Variants in MED29 observed in about 807,000 individuals in gnomAD.
MED29 encodes mediator complex subunit 29, also known as mediator of RNA polymerase II transcription subunit 29.
A neutral mutation model predicts 22.0 loss-of-function variants in MED29; 14 were observed. The observed-to-expected ratio is 0.64, with a 90% confidence interval of 0.42 to 0.99. MED29 has a LOEUF of 0.99. Among genes scored for constraint, MED29 ranks in the 50% least tolerant of loss-of-function variants. MED29 has a pLI of 0.00. For synonymous variants in MED29, 123 were observed against 107.8 expected, an observed-to-expected ratio of 1.14 and a Z score of -0.87; for missense variants, 241 against 253.7, an observed-to-expected ratio of 0.95 and a Z score of 0.34.
chr19:39,393,776 A>AC (rs1295420667), intron 3 of MED29, 139 bp downstream of exon 3: 7 of 744,550 alleles, frequency 9.4e-6, no homozygotes, highest in Middle Eastern at 3.7e-4. Flanking sequence ...CACTGAGGAC[A>AC]CAGGGTTGCT....
rs2078447135 is a variant in MED29, at chr19:39,399,160, C to T, written c.*1461C>T. The T allele has an allele frequency of 6.6e-6, 1 of 152,246 alleles. No individual in the cohort carries two copies. Among genetic ancestry groups the T allele is most frequent in the African/African-American group, 2.4e-5 (1 of 41,460 alleles). 9.4% of individuals were successfully genotyped at this position (152,246 alleles called of 1,614,324 possible). A position where few individuals can be genotyped will look rare whatever the true frequency, so the allele number is the denominator to read the frequency against. Reference sequence around the variant, plus strand: ...GTCAACTGATTATGGACTTTAATCACATCTACAAAACACTTCCATGGCGAC... The same window carrying T: ...GTCAACTGATTATGGACTTTAATCATATCTACAAAACACTTCCATGGCGAC... On this transcript the variant is annotated 3_prime_UTR_variant, in exon 4 of 4. Coordinates refer to ENST00000315588, the MANE Select transcript of MED29 (RefSeq NM_017592.4).
At chr19:39,391,708 T>C (rs1346041050) in intron 1 of MED29, 70 bp downstream of exon 1, 2 of 1,492,238 alleles carry the variant, frequency 1.3e-6, no homozygotes, top group African/African-American at 2.8e-5. Flanking sequence ...AGGGCCAGGT[T>C]AGTCGGAGAG....
At chr19:39,393,513 G>T (rs377339132) in intron 2 of MED29, 40 bp from the exon 3 acceptor site, 269 of 1,585,508 alleles carry the variant, frequency 1.7e-4, no homozygotes, top group Non-Finnish European at 2.3e-4. Context: ...CCAAAGATTA[G>T]AAATCAATTC....
intron 3 of MED29, 83 bp from the exon 4 acceptor site, chr19:39,397,374 C>G: frequency 2.7e-6 from 4 of 1,472,114 alleles, no homozygotes; most frequent in South Asian, 1.2e-5. Flanking sequence ...GAGGCCAAGC[C>G]GACAACCCCC....
rs1414455533 is a variant in MED29 at position 39,400,279 on chromosome 19, G to A, written c.*2580G>A. On this transcript the variant is annotated 3_prime_UTR_variant, in exon 4 of 4. Coordinates refer to ENST00000315588, the MANE Select transcript of MED29 (RefSeq NM_017592.4). ...CCAGGTTCCCAGGTACTCGGAGGCT[G>A]AGAGGTGGGAGGATGCCTTGAGCTT... 1 of 152,206 alleles carries A rather than the reference G, an allele frequency of 6.6e-6. No homozygotes were observed. Among genetic ancestry groups the A allele is most frequent in the Non-Finnish European group, 1.5e-5 (1 of 68,040 alleles). 9.4% of individuals were successfully genotyped at this position (152,206 alleles called of 1,614,324 possible). A position where few individuals can be genotyped will look rare whatever the true frequency, so the allele number is the denominator to read the frequency against.
In MED29 at chr19:39,391,395, C is replaced by G. The variant is rs759843897; in HGVS notation, c.-28C>G. ...GCAACGGGGAGAGACGCAGTCGTAA[C>G]GCACTTCCGGCGGTCTACGCGAGGA... On this transcript the variant is annotated 5_prime_UTR_variant, in exon 1 of 4. Coordinates refer to ENST00000315588, the MANE Select transcript of MED29 (RefSeq NM_017592.4). 4 of 1,606,772 alleles carry G rather than the reference C, an allele frequency of 2.5e-6. No homozygotes were observed. Among genetic ancestry groups the G allele is most frequent in the Middle Eastern group, 1.7e-4 (1 of 6,016 alleles).
At chr19:39,397,175 AG>A (rs1372868935) in intron 3 of MED29, among the ~76,000 whole-genome samples, 1 of 152,242 alleles carries the variant, frequency 6.6e-6, no homozygotes, top group African/African-American at 2.4e-5. Context: ...ACAGTGTGCC[AG>A]GACCCGTGCC....
chr19:39,397,329 G>T, intron 3 of MED29, 128 bp from the exon 4 acceptor site: 1 of 1,012,962 alleles, frequency 9.9e-7, no homozygotes, highest in Non-Finnish European at 1.5e-6. Context: ...ATGACTGGCA[G>T]GGCCAACCTC....
At chr19:39,395,781 G>A (rs925689401) in intron 3 of MED29, among the ~76,000 whole-genome samples, 1 of 152,104 alleles carries the variant, frequency 6.6e-6, no homozygotes, top group Admixed American at 6.5e-5. Flanking sequence ...GCCGGGCGTG[G>A]TGGCAGGCGC....
chr19:39,393,119 A>T (rs1441666965), intron 2 of MED29, among the ~76,000 whole-genome samples: 1 of 90,466 alleles, frequency 1.1e-5, no homozygotes, highest in Non-Finnish European at 2.0e-5. Flanking sequence ...TTTTTGAGAC[A>T]GAGTCTTGCT....
Position 39,397,741 on chromosome 19 carries a change from G to C in MED29, c.*42G>C. ...TGGGGCAGGCAGTGGTTGGTGGGTG[G>C]TGTGCAAAGGGAATGAAGAGCGTCC... On this transcript the variant is annotated 3_prime_UTR_variant, in exon 4 of 4. Coordinates refer to ENST00000315588, the MANE Select transcript of MED29 (RefSeq NM_017592.4). 6 of 1,590,996 alleles carry C rather than the reference G, an allele frequency of 3.8e-6. No homozygotes were observed. The highest frequency in any genetic ancestry group is 5.1e-6 in the Non-Finnish European group (6 of 1,172,826).
rs1285053947 is a variant in MED29 at position 39,398,099 on chromosome 19, T to G, written c.*400T>G. ...TTGTGTCTCTCTCATCCTGTCTCTTTTTCCCTTGTTTCTCTGTTCCTGTTA... is the reference window on the plus strand; with the variant it reads ...TTGTGTCTCTCTCATCCTGTCTCTTGTTCCCTTGTTTCTCTGTTCCTGTTA... On this transcript the variant is annotated 3_prime_UTR_variant, in exon 4 of 4. Transcript: ENST00000315588. 1 of 391,118 alleles carries G rather than the reference T, an allele frequency of 2.6e-6. No individual in the cohort carries two copies. The highest frequency in any genetic ancestry group is 4.6e-6 in the Non-Finnish European group (1 of 216,116). The allele number at this position is 391,118 out of a possible 1,614,324, so 24.2% of individuals were successfully genotyped here. A position where few individuals can be genotyped will look rare whatever the true frequency, so the allele number is the denominator to read the frequency against.
At position 39,397,963 on chromosome 19, in the gene MED29, C is replaced by G. The variant is rs1263580189; in HGVS notation, c.*264C>G. 2 of 578,552 alleles carry G rather than the reference C, an allele frequency of 3.5e-6. No homozygotes were observed. The highest frequency in any genetic ancestry group is 1.9e-5 in the African/African-American group (1 of 53,638). The allele number at this position is 578,552 out of a possible 1,614,324, so 35.8% of individuals were successfully genotyped here. A position where few individuals can be genotyped will look rare whatever the true frequency, so the allele number is the denominator to read the frequency against. On this transcript the variant is annotated 3_prime_UTR_variant, in exon 4 of 4. Coordinates refer to ENST00000315588, the MANE Select transcript of MED29 (RefSeq NM_017592.4). ...CTTCTCTGTTCCACAGGCCCTCCCC[C>G]ATTCTTGCCTGGGTGTGGAGCCCTG...
At chr19:39,392,026 A>AAAAT (rs541069051) in intron 1 of MED29, among the ~76,000 whole-genome samples, 55 of 152,248 alleles carry the variant, frequency 3.6e-4, no homozygotes, top group East Asian at 2.7e-3. Context: ...CTCCGTCAAA[A>AAAAT]AAATAAATAA....
At position 39,392,363 on chromosome 19, in the gene MED29, A is replaced by C. The variant is rs897089522; in HGVS notation, c.217-101A>C. ...AGGAGGGAAGGTGCCAGTTGAAAAG[A>C]AAACCTGAGACTGAGTGATCTCAAG... On this transcript the variant is annotated intron_variant, in intron 1 of 3. Transcript: ENST00000315588. 10 of 1,078,174 alleles carry C rather than the reference A, an allele frequency of 9.3e-6. No individual in the cohort carries two copies. In the African/African-American group the frequency reaches 1.6e-4, roughly 17 times the overall value. 66.8% of individuals were successfully genotyped at this position (1,078,174 alleles called of 1,614,324 possible). A position where few individuals can be genotyped will look rare whatever the true frequency, so the allele number is the denominator to read the frequency against.
intron 1 of MED29, 33 bp downstream of exon 1, chr19:39,391,671 G>T (rs1292475157): frequency 6.5e-7 from 1 of 1,545,940 alleles, no homozygotes; most frequent in Admixed American, 1.9e-5. Flanking sequence ...AAGCAAACTG[G>T]ATTTGGTAGT....
At chr19:39,392,597 C>T in intron 2 of MED29, 75 bp downstream of exon 2, 3 of 1,292,770 alleles carry the variant, frequency 2.3e-6, no homozygotes, top group South Asian at 2.6e-5. Context: ...TTCTCCTGCT[C>T]CCCGCCCACC....
chr19:39,391,542 C>G lies in MED29; in HGVS notation c.120C>G (p.Gly40=). The G allele has an allele frequency of 6.2e-7, 1 of 1,613,756 alleles. No individual in the cohort carries two copies. The highest frequency in any genetic ancestry group is 2.2e-5 in the East Asian group (1 of 44,888). The change falls in exon 1 of 4, where the codon GGC becomes GGG. Residue 40 remains glycine, a synonymous_variant. Coordinates refer to ENST00000315588, the MANE Select transcript of MED29 (RefSeq NM_017592.4). ...QQPQPPAQLV[G]PAQSGLLQQQ... ...CGCAACCGCCAGCACAACTGGTGGG[C>G]CCTGCCCAGAGCGGCCTCCTGCAGC...
chr19:39,396,433 CA>C (rs569966302), intron 3 of MED29, among the ~76,000 whole-genome samples: 1 of 139,900 alleles, frequency 7.1e-6, no homozygotes, highest in African/African-American at 2.7e-5. Flanking sequence ...AGACTGTCTC[CA>C]AAAAAAAAGG....
Sources: gnomAD v4.1 joint callset for allele counts (sites outside exome capture counted in the v4.1 genomes callset) on GRCh38, gnomAD v4.1.1 for gene constraint, MANE v1.5 for transcripts, NCBI Gene and HGNC (gene_info 2026-07-23, HGNC 2026-07-21) for gene names.